The following MAML2 variants were observed in gnomAD, a reference collection of about 807,000 sequenced individuals.
MAML2 encodes the protein mastermind like transcriptional coactivator 2.
In MAML2, 22 loss-of-function variants were observed where a neutral mutation model predicts 96.1. That is an observed-to-expected ratio of 0.23 (90% CI 0.16 to 0.33). The LOEUF (loss-of-function observed/expected upper bound fraction) is 0.33. Ranked by LOEUF, MAML2 falls within the 10% of genes least tolerant of loss-of-function variation. The probability of loss-of-function intolerance (pLI) is 1.00; values close to 1 mark genes in which losing one functional copy is unlikely to be tolerated. For synonymous variants in MAML2, 561 were observed against 521.3 expected, an observed-to-expected ratio of 1.08 and a Z score of -1.04; for missense variants, 1,367 against 1,392.4, an observed-to-expected ratio of 0.98 and a Z score of 0.29.
chr11:96,250,887 T>C (rs1230136578), intron 1 of MAML2, among the ~76,000 whole-genome samples: 1 of 152,190 alleles, frequency 6.6e-6, no homozygotes, highest in African/African-American at 2.4e-5. Context: ...GATTTCTCCA[T>C]CTTGAAAGCC....
intron 2 of MAML2, among the ~76,000 whole-genome samples, chr11:96,018,101 AT>A (rs1858383490): frequency 6.6e-6 from 1 of 152,212 alleles, no homozygotes; most frequent in South Asian, 2.1e-4. Context: ...TGGATTCCAC[AT>A]AGTCTCTGAC....
chr11:96,341,290 T>C (rs1213015492), intron 1 of MAML2, 93 bp downstream of exon 1: 7 of 1,389,832 alleles, frequency 5.0e-6, no homozygotes, highest in Non-Finnish European at 6.7e-6. Context: ...GCCTTTTTCA[T>C]TGCCATCCAC....
chr11:96,155,550 A>ATATATATATG (rs1860999536), intron 1 of MAML2, among the ~76,000 whole-genome samples: 1 of 128,322 alleles, frequency 7.8e-6, no homozygotes, highest in Non-Finnish European at 1.6e-5. Context: ...ATATATATAT[A>ATATATATATG]TGAGGAAAGT....
intron 1 of MAML2, among the ~76,000 whole-genome samples, chr11:96,259,776 C>A (rs1163554792): frequency 6.6e-6 from 1 of 152,114 alleles, no homozygotes; most frequent in Non-Finnish European, 1.5e-5. Context: ...CTTGCAAGAC[C>A]TTGACTCCTT....
intron 2 of MAML2, among the ~76,000 whole-genome samples, chr11:96,084,795 C>T (rs1369049375): frequency 6.6e-6 from 1 of 152,160 alleles, no homozygotes; most frequent in East Asian, 1.9e-4. Flanking sequence ...CCCACACAGA[C>T]CTGTGGACTA....
At chr11:96,094,063 T>C (rs1190802678) in intron 1 of MAML2, among the ~76,000 whole-genome samples, 2 of 151,916 alleles carry the variant, frequency 1.3e-5, no homozygotes, top group Non-Finnish European at 2.9e-5. Flanking sequence ...TTCTCAGGCC[T>C]AAGGAGATAT....
chr11:96,150,315 G>A (rs1439036012), intron 1 of MAML2, among the ~76,000 whole-genome samples: 1 of 152,188 alleles, frequency 6.6e-6, no homozygotes, highest in East Asian at 1.9e-4. Flanking sequence ...AATACACAGT[G>A]CTTGGATATG....
chr11:96,246,948 A>C (rs1163621830), intron 1 of MAML2, among the ~76,000 whole-genome samples: 2 of 152,128 alleles, frequency 1.3e-5, no homozygotes, highest in African/African-American at 4.8e-5. Flanking sequence ...TTCATACTCC[A>C]GTTGCCTTTC....
chr11:96,087,876 G>C (rs1267146030), intron 2 of MAML2, among the ~76,000 whole-genome samples: 1 of 152,152 alleles, frequency 6.6e-6, no homozygotes, highest in African/African-American at 2.4e-5. Flanking sequence ...TTTCCCATTG[G>C]AAAAGGCGTT....
intron 1 of MAML2, among the ~76,000 whole-genome samples, chr11:96,162,299 C>T (rs1163900451): frequency 1.4e-5 from 2 of 147,074 alleles, no homozygotes; most frequent in Admixed American, 6.9e-5. Context: ...CCTGGTACCT[C>T]GACATGGTAC....
chr11:96,243,283 G>A (rs112104020), intron 1 of MAML2, among the ~76,000 whole-genome samples: 1 of 152,176 alleles, frequency 6.6e-6, no homozygotes, highest in Non-Finnish European at 1.5e-5. Context: ...AGGCCCGGCC[G>A]GCCTCCAGAC....
chr11:96,090,378 A>G (rs1227966442), intron 2 of MAML2, among the ~76,000 whole-genome samples: 2 of 152,112 alleles, frequency 1.3e-5, no homozygotes, highest in Non-Finnish European at 2.9e-5. Flanking sequence ...ACTGAGAATT[A>G]CCTCATTTTA....
At chr11:96,169,889 G>A (rs557112426) in intron 1 of MAML2, among the ~76,000 whole-genome samples, 6 of 152,326 alleles carry the variant, frequency 3.9e-5, no homozygotes, top group East Asian at 1.9e-4. Flanking sequence ...TTTTGACCTC[G>A]TGATCTGCCC....
chr11:96,233,155 G>C (rs905812949), intron 1 of MAML2, among the ~76,000 whole-genome samples: 1 of 152,122 alleles, frequency 6.6e-6, no homozygotes, highest in Non-Finnish European at 1.5e-5. Context: ...AGAAAAGCAA[G>C]TTTGAGTGCT....
chr11:96,110,047 G>C (rs1318040540), intron 1 of MAML2, among the ~76,000 whole-genome samples: 3 of 152,160 alleles, frequency 2.0e-5, no homozygotes, highest in Admixed American at 1.3e-4. Context: ...AGAAGAGAGT[G>C]TTTCAAGGAG....
intron 1 of MAML2, among the ~76,000 whole-genome samples, chr11:96,225,184 G>C (rs1235559184): frequency 6.6e-6 from 1 of 152,284 alleles, no homozygotes; most frequent in Non-Finnish European, 1.5e-5. Context: ...CAAAATAGAG[G>C]GGAAGGAAGT....
At chr11:96,024,056 C>T (rs911865059) in intron 2 of MAML2, among the ~76,000 whole-genome samples, 2 of 152,034 alleles carry the variant, frequency 1.3e-5, no homozygotes, top group Non-Finnish European at 2.9e-5. Flanking sequence ...ATCAAAGACA[C>T]AAAATAGCTG....
chr11:96,309,041 C>T (rs1275117955), intron 1 of MAML2, among the ~76,000 whole-genome samples: 3 of 152,134 alleles, frequency 2.0e-5, no homozygotes, highest in South Asian at 2.1e-4. Flanking sequence ...TTAAGTTCAG[C>T]AAAACAGAGA....
At chr11:96,012,292 A>G (rs1202855823) in intron 2 of MAML2, among the ~76,000 whole-genome samples, 2 of 152,340 alleles carry the variant, frequency 1.3e-5, no homozygotes, top group East Asian at 1.9e-4. Context: ...AGCAACAGAC[A>G]CCAAAACAGT....
Sources: gnomAD v4.1 joint callset for allele counts (sites outside exome capture counted in the v4.1 genomes callset) on GRCh38, gnomAD v4.1.1 for gene constraint, MANE v1.5 for transcripts, NCBI Gene and HGNC (gene_info 2026-07-23, HGNC 2026-07-21) for gene names.